The following PAPPA2 variants were observed in gnomAD, a reference collection of about 807,000 sequenced individuals.
PAPPA2 encodes pappalysin-2.
Under a neutral mutation model 176.4 loss-of-function variants are expected in PAPPA2, and 86 were observed. The observed-to-expected ratio is 0.49, with a 90% confidence interval of 0.41 to 0.58. PAPPA2 has a LOEUF of 0.58. Among genes scored for constraint, PAPPA2 ranks in the 20% least tolerant of loss-of-function variants. The pLI, the probability that PAPPA2 is intolerant of heterozygous loss-of-function variation, is 0.00. For synonymous variants in PAPPA2, 809 were observed against 852.2 expected (o/e 0.95, Z 0.88); for missense variants, 2,073 against 2,256.9 (o/e 0.92, Z 1.65).
At chr1:176,523,357 C>G (rs1427862106) in intron 1 of PAPPA2, among the ~76,000 whole-genome samples, 1 of 152,182 alleles carries the variant, frequency 6.6e-6, no homozygotes, top group African/African-American at 2.4e-5. Context: ...TCCCCTAATT[C>G]TTCCACTGGT....
At chr1:176,476,842 A>C (rs1224058344) in intron 1 of PAPPA2, among the ~76,000 whole-genome samples, 2 of 152,248 alleles carry the variant, frequency 1.3e-5, no homozygotes, top group Admixed American at 6.5e-5. Context: ...AAAGATTCTA[A>C]TGTGAAATCA....
chr1:176,732,876 A>T (rs1662226176), intron 12 of PAPPA2, among the ~76,000 whole-genome samples: 1 of 152,218 alleles, frequency 6.6e-6, no homozygotes, highest in Admixed American at 6.5e-5. Flanking sequence ...GCTATGGAGC[A>T]GTACTGGTCC....
chr1:176,611,068 C>T (rs1025321953), intron 3 of PAPPA2, among the ~76,000 whole-genome samples: 11 of 152,154 alleles, frequency 7.2e-5, no homozygotes, highest in African/African-American at 2.7e-4. Context: ...TCTGGGCTCC[C>T]TCCATGTTAA....
intron 2 of PAPPA2, among the ~76,000 whole-genome samples, chr1:176,571,482 G>A (rs147814282): frequency 2.6e-5 from 4 of 152,270 alleles, no homozygotes; most frequent in African/African-American, 7.2e-5. Context: ...GCCATGCCTG[G>A]AACATAAGGG....
chr1:176,803,981 C>T (rs940775246), intron 21 of PAPPA2, among the ~76,000 whole-genome samples: 1 of 152,178 alleles, frequency 6.6e-6, no homozygotes, highest in Non-Finnish European at 1.5e-5. Flanking sequence ...TGTGGGGTGA[C>T]ACTGGGCAAG....
At chr1:176,698,081 C>T (rs1255220944) in intron 7 of PAPPA2, among the ~76,000 whole-genome samples, 1 of 152,134 alleles carries the variant, frequency 6.6e-6, no homozygotes, top group Non-Finnish European at 1.5e-5. Context: ...AGCTACCTCC[C>T]TACTCACACA....
At chr1:176,555,000 T>TGTGAGA (rs1242663114) in intron 1 of PAPPA2, among the ~76,000 whole-genome samples, 3 of 145,578 alleles carry the variant, frequency 2.1e-5, no homozygotes, top group Admixed American at 6.8e-5. Flanking sequence ...TGTGTGTGTG[T>TGTGAGA]GAGAGAGAGA....
chr1:176,638,939 C>CGTGT (rs34264749), intron 3 of PAPPA2, among the ~76,000 whole-genome samples: 27,229 of 142,942 alleles, frequency 0.19, 2,568 homozygotes, highest in African/African-American at 0.22. Flanking sequence ...TGTGCATGTG[C>CGTGT]GTGTGTGTGT....
chr1:176,482,652 A>G (rs1035025960), intron 1 of PAPPA2, among the ~76,000 whole-genome samples: 2 of 152,026 alleles, frequency 1.3e-5, no homozygotes, highest in African/African-American at 4.8e-5. Flanking sequence ...TGTTGGCTTT[A>G]TTTTCAGGCA....
intron 17 of PAPPA2, among the ~76,000 whole-genome samples, chr1:176,787,924 G>A (rs1458898992): frequency 6.6e-6 from 1 of 152,040 alleles, no homozygotes; most frequent in Non-Finnish European, 1.5e-5. Flanking sequence ...GCCAGGTGTG[G>A]TGGCACGTGC....
chr1:176,643,659 C>T (rs1214498842), intron 3 of PAPPA2, among the ~76,000 whole-genome samples: 1 of 151,690 alleles, frequency 6.6e-6, no homozygotes, highest in Non-Finnish European at 1.5e-5. Flanking sequence ...CTCTAGATTT[C>T]CTGGGGAAAG....
intron 3 of PAPPA2, among the ~76,000 whole-genome samples, chr1:176,636,243 A>G (rs1363486061): frequency 6.6e-6 from 1 of 152,292 alleles, no homozygotes; most frequent in East Asian, 1.9e-4. Flanking sequence ...GATGTTAAGA[A>G]GTATTGACTG....
chr1:176,817,441 A>G (rs1666448797), intron 21 of PAPPA2, among the ~76,000 whole-genome samples: 1 of 152,128 alleles, frequency 6.6e-6, no homozygotes, highest in Non-Finnish European at 1.5e-5. Context: ...GACACATTTT[A>G]TCACCAGGAA....
chr1:176,631,226 T>C (rs2102708707), intron 3 of PAPPA2, among the ~76,000 whole-genome samples: 1 of 152,308 alleles, frequency 6.6e-6, no homozygotes, highest in South Asian at 2.1e-4. Context: ...AGGAATCCAG[T>C]ACTGATACAT....
At position 176,607,278 on chromosome 1, in the gene PAPPA2, A is replaced by G. The variant is rs571692899; in HGVS notation, c.1991+11683A>G. ...TAATGCATTGTTGTTAACTATAGTC[A>G]CTCTACTCTGCTGTTGAACAGTAGC... On this transcript the variant is annotated intron_variant, in intron 3 of 22. Transcript: ENST00000367662. 1.1e-3 allele frequency among the ~76,000 whole-genome samples: 164 copies of G among 152,180 alleles called. 1 individual carries two copies. Among genetic ancestry groups the G allele is most frequent in the African/African-American group, 3.8e-3 (159 of 41,526 alleles).
At chr1:176,674,444 A>G (rs1044713598) in intron 4 of PAPPA2, among the ~76,000 whole-genome samples, 1 of 151,934 alleles carries the variant, frequency 6.6e-6, no homozygotes, top group East Asian at 1.9e-4. Flanking sequence ...CCAAAGTTCT[A>G]TTGTATCATT....
At chr1:176,566,523 C>T (rs990793848) in intron 2 of PAPPA2, among the ~76,000 whole-genome samples, 1 of 152,158 alleles carries the variant, frequency 6.6e-6, no homozygotes, top group Non-Finnish European at 1.5e-5. Flanking sequence ...CCTCCCCATC[C>T]TCTGGGAGCT....
At chr1:176,713,609 C>A (rs541497499) in intron 12 of PAPPA2, among the ~76,000 whole-genome samples, 1 of 152,122 alleles carries the variant, frequency 6.6e-6, no homozygotes, top group East Asian at 1.9e-4. Flanking sequence ...GGGCTTATGA[C>A]CTTTTTGTTT....
At chr1:176,527,346 C>T (rs547445741) in intron 1 of PAPPA2, among the ~76,000 whole-genome samples, 1 of 152,318 alleles carries the variant, frequency 6.6e-6, no homozygotes, top group African/African-American at 2.4e-5. Flanking sequence ...TATGTGTTAT[C>T]ATCTCCACAC....
Sources: allele counts gnomAD v4.1 joint callset (sites outside exome capture counted in the v4.1 genomes callset), GRCh38; gene constraint gnomAD v4.1.1; transcripts MANE v1.5; gene names NCBI Gene and HGNC (gene_info 2026-07-23, HGNC 2026-07-21).